TPST1: variants seen among roughly 807,000 people sequenced by gnomAD.
TPST1 encodes tyrosylprotein sulfotransferase 1.
A neutral mutation model predicts 34.8 loss-of-function variants in TPST1; 20 were observed. The ratio of observed to expected loss-of-function variants is 0.57; its 90% CI spans 0.40 to 0.84. TPST1 has a LOEUF of 0.84. Among genes scored for constraint, TPST1 ranks in the 40% least tolerant of loss-of-function variants. The probability of loss-of-function intolerance (pLI) is 0.00; values close to 1 mark genes in which losing one functional copy is unlikely to be tolerated. For synonymous variants in TPST1, 152 were observed against 159.4 expected (o/e 0.95, Z 0.35); for missense variants, 353 against 455.5 (o/e 0.78, Z 2.05).
intron 3 of TPST1, among the ~76,000 whole-genome samples, chr7:66,341,108 G>C (rs1422284009): frequency 6.6e-6 from 1 of 152,172 alleles, no homozygotes; most frequent in Non-Finnish European, 1.5e-5. Context: ...CCTAAAATTT[G>C]TGTGGAATGA....
At chr7:66,299,262 C>A (rs1791262963) in intron 3 of TPST1, among the ~76,000 whole-genome samples, 1 of 133,878 alleles carries the variant, frequency 7.5e-6, no homozygotes, top group South Asian at 2.3e-4. Flanking sequence ...TTTAGCAGTT[C>A]TTATAGTAAA....
At chr7:66,329,030 G>C (rs1791943761) in intron 3 of TPST1, among the ~76,000 whole-genome samples, 1 of 144,650 alleles carries the variant, frequency 6.9e-6, no homozygotes, top group Admixed American at 7.0e-5. Context: ...TCCTGCCTCA[G>C]CCTCCCAAGT....
rs947830618 is a variant in TPST1, at chr7:66,318,906, A to G, written c.1044+32197A>G. 3.3e-5 allele frequency among the ~76,000 whole-genome samples: 5 copies of G among 152,208 alleles called. No individual in the cohort carries two copies. In the East Asian group the frequency reaches 9.6e-4, roughly 29 times the overall value. On this transcript the variant is annotated intron_variant, in intron 3 of 5. Coordinates refer to ENST00000304842, the MANE Select transcript of TPST1 (RefSeq NM_003596.4). ...GTAATCTTCCATCAGCACTTTGAAG[A>G]TATTTTAACATTTTCTGGGCCCTAG... is the stretch of plus-strand genomic sequence containing the variant.
chr7:66,239,412 A>G (rs541202624), intron 1 of TPST1, among the ~76,000 whole-genome samples: 59 of 152,164 alleles, frequency 3.9e-4, no homozygotes, highest in Non-Finnish European at 7.5e-4. Flanking sequence ...TATTGTTTAC[A>G]TATCTGTCTG....
intron 2 of TPST1, among the ~76,000 whole-genome samples, chr7:66,284,333 G>A (rs1415847427): frequency 1.3e-5 from 2 of 149,018 alleles, no homozygotes; most frequent in African/African-American, 5.0e-5. Context: ...TAGATTTTTG[G>A]TGACCTTCTG....
chr7:66,341,326 T>C (rs2116328344), intron 3 of TPST1, among the ~76,000 whole-genome samples: 1 of 152,302 alleles, frequency 6.6e-6, no homozygotes, highest in East Asian at 1.9e-4. Flanking sequence ...TTGCCCAGGC[T>C]GGAGTGCAGT....
chr7:66,233,406 A>G (rs1223869816), intron 1 of TPST1, among the ~76,000 whole-genome samples: 2 of 152,224 alleles, frequency 1.3e-5, no homozygotes, highest in South Asian at 2.1e-4. Context: ...ATCCAACTTC[A>G]TTCTTTTGCA....
In TPST1 at chr7:66,240,517, G is replaced by C. The variant is rs1409774205; in HGVS notation, c.92G>C (p.Cys31Ser). ...TACCTGGGCCAGCATGCCATGGAAT[G>C]CCATCACCGGATAGAGGAACGTAGC... ...VFYLGQHAME[C>S]HHRIEERSQP... The change falls in exon 2 of 6, where the codon TGC (cysteine) becomes TCC (serine). Residue 31 changes from cysteine (C) to serine (S), a missense_variant. Cys to Ser is a moderately radical substitution (Grantham distance 112). Transcript: ENST00000304842. The C allele has an allele frequency of 1.9e-6, 3 of 1,614,076 alleles. No homozygotes were observed. Among genetic ancestry groups the C allele is most frequent in the African/African-American group, 1.3e-5 (1 of 74,934 alleles).
intron 3 of TPST1, among the ~76,000 whole-genome samples, chr7:66,328,859 G>GCTCTCTCTCTCTCTCT (rs755431410): frequency 9.2e-4 from 17 of 18,414 alleles, no homozygotes; most frequent in Non-Finnish European, 1.4e-3. Context: ...TCTCTCTCCC[G>GCTCTCTCTCTCTCTCT]CTCTCTCTCT....
At chr7:66,328,584 G>A (rs1031998804) in intron 3 of TPST1, among the ~76,000 whole-genome samples, 9 of 151,124 alleles carry the variant, frequency 6.0e-5, no homozygotes, top group East Asian at 2.0e-4. Context: ...TCACTCTGTC[G>A]CCCAGGCTGG....
intron 3 of TPST1, among the ~76,000 whole-genome samples, chr7:66,313,478 A>G (rs1325518423): frequency 6.6e-6 from 1 of 152,180 alleles, no homozygotes; most frequent in East Asian, 1.9e-4. Flanking sequence ...TTCTTTTGCA[A>G]ATACTAAATG....
At chr7:66,253,038 CA>C (rs901665882) in intron 2 of TPST1, among the ~76,000 whole-genome samples, 6 of 152,124 alleles carry the variant, frequency 3.9e-5, no homozygotes, top group East Asian at 1.9e-4. Flanking sequence ...CAAAAACATT[CA>C]GGGGGGAAAA....
intron 2 of TPST1, among the ~76,000 whole-genome samples, chr7:66,281,479 G>GT (rs1318438971): frequency 6.6e-6 from 1 of 152,172 alleles, no homozygotes; most frequent in Non-Finnish European, 1.5e-5. Context: ...TGGTTGGTAG[G>GT]TTTTTTAGTA....
chr7:66,239,712 T>C (rs1789987300), intron 1 of TPST1, among the ~76,000 whole-genome samples: 1 of 152,230 alleles, frequency 6.6e-6, no homozygotes, highest in African/African-American at 2.4e-5. Flanking sequence ...GACTCACTGA[T>C]AGAAATAGTT....
chr7:66,202,677 A>ATT (rs1789045284), upstream of TPST1, among the ~76,000 whole-genome samples: 1 of 152,200 alleles, frequency 6.6e-6, no homozygotes, highest in African/African-American at 2.4e-5. Context: ...AGAAAGCAGA[A>ATT]TGTAACTTGG....
chr7:66,241,629 T>G (rs1205170703), intron 2 of TPST1, among the ~76,000 whole-genome samples: 1 of 152,222 alleles, frequency 6.6e-6, no homozygotes, highest in East Asian at 1.9e-4. Context: ...TTCTAATTTC[T>G]AGATATTGTT....
At chr7:66,237,319 T>C (rs1158571291) in intron 1 of TPST1, among the ~76,000 whole-genome samples, 2 of 152,212 alleles carry the variant, frequency 1.3e-5, no homozygotes, top group African/African-American at 4.8e-5. Context: ...TCATTGTTCT[T>C]ACCCACCTTT....
At chr7:66,239,104 C>A (rs1383590255) in intron 1 of TPST1, among the ~76,000 whole-genome samples, 1 of 152,194 alleles carries the variant, frequency 6.6e-6, no homozygotes, top group Admixed American at 6.5e-5. Context: ...TTCTGTCTTG[C>A]CATTGTGCTT....
At chr7:66,307,678 T>G (rs1791452283) in intron 3 of TPST1, among the ~76,000 whole-genome samples, 2 of 152,216 alleles carry the variant, frequency 1.3e-5, no homozygotes, top group Admixed American at 1.3e-4. Context: ...CCTCTCCTGT[T>G]GGCAGGTTGG....
Sources: gnomAD v4.1 joint callset for allele counts (sites outside exome capture counted in the v4.1 genomes callset) on GRCh38, gnomAD v4.1.1 for gene constraint, MANE v1.5 for transcripts, NCBI Gene and HGNC (gene_info 2026-07-23, HGNC 2026-07-21) for gene names.